AVPR1A: variants seen among roughly 807,000 people sequenced by gnomAD.
The protein encoded by AVPR1A is arginine vasopressin receptor 1A, also known as vasopressin V1a receptor.
Under a neutral mutation model 31.5 loss-of-function variants are expected in AVPR1A, and 31 were observed. The ratio of observed to expected loss-of-function variants is 0.99; its 90% CI spans 0.74 to 1.33. AVPR1A has a LOEUF of 1.33. AVPR1A is among the 40% of genes most tolerant of loss of function. The pLI is 0.00. For missense variants in AVPR1A, 570 were observed against 575.2 expected (o/e 0.99, Z 0.09); for synonymous variants, 243 against 233.2 (o/e 1.04, Z -0.38).
At chr12:63,148,900 A>G (rs2120754913) in intron 1 of AVPR1A, among the ~76,000 whole-genome samples, 1 of 152,258 alleles carries the variant, frequency 6.6e-6, no homozygotes, top group Middle Eastern at 3.4e-3. Flanking sequence ...TAACAACTGT[A>G]CCATTGAATT....
rs547414617 is a variant in AVPR1A at position 63,144,674 on chromosome 12, T to C, written c.*2685A>G. ...CAATCTGAAATATTGTTTTGAGATA[T>C]GTGGCGTCCATTTCTGGGTACATAA... On this transcript the variant is annotated 3_prime_UTR_variant, in exon 2 of 2. Transcript: ENST00000299178. 2 of 152,330 alleles carry C rather than the reference T, an allele frequency of 1.3e-5. No homozygotes were observed. Among genetic ancestry groups the C allele is most frequent in the East Asian group, 3.9e-4 (2 of 5,188 alleles). 9.4% of individuals were successfully genotyped at this position (152,330 alleles called of 1,614,324 possible). A position where few individuals can be genotyped will look rare whatever the true frequency, so the allele number is the denominator to read the frequency against.
rs927440921 is a variant in AVPR1A, at chr12:63,142,859, A to G, written c.*4500T>C. ...TAGTACCACAAGCCATTTTTTCTGT[A>G]AAGGACCAAATATTAGATACTATCA... On this transcript the variant is annotated 3_prime_UTR_variant, in exon 2 of 2. Transcript: ENST00000299178. 9.2e-5 allele frequency: 14 copies of G among 152,166 alleles called. No individual in the cohort carries two copies. Among genetic ancestry groups the G allele is most frequent in the Non-Finnish European group, 1.0e-4 (7 of 67,996 alleles). 9.4% of individuals were successfully genotyped at this position (152,166 alleles called of 1,614,324 possible).
At position 63,147,558 on chromosome 12, in the gene AVPR1A, C is replaced by A; in HGVS notation, c.1058G>T (p.Gly353Val). ...CNPWIYMFFS[G>V]HLLQDCVQSF... ...TTGAACACAGTCTTGAAGGAGATGG[C>A]CACTAAAAAACATGTATATCCAGGG... The change falls in exon 2 of 2, where the codon GGC becomes GTC. Residue 353 changes from glycine to valine, a missense_variant. By Grantham distance (109) the Gly-to-Val change is moderately radical. Transcript: ENST00000299178. 1.2e-6 allele frequency: 2 copies of A among 1,614,046 alleles called. No homozygotes were observed. Among genetic ancestry groups the A allele is most frequent in the Non-Finnish European group, 1.7e-6 (2 of 1,179,996 alleles).
In AVPR1A at chr12:63,150,884, G is replaced by A. The variant is rs752970256; in HGVS notation, c.-48C>T. The A allele has an allele frequency of 6.8e-7, 1 of 1,463,418 alleles. No individual in the cohort carries two copies. Among genetic ancestry groups the A allele is most frequent in the Admixed American group, 2.6e-5 (1 of 38,352 alleles). The allele number at this position is 1,463,418 out of a possible 1,614,324, so 90.7% of individuals were successfully genotyped here. A position where few individuals can be genotyped will look rare whatever the true frequency, so the allele number is the denominator to read the frequency against. ...GGCCCTCTTCGGAGCTCCAGCCCTC[G>A]CGGGCCGCTCCCTCCCCGTCTCGGA... is the stretch of plus-strand genomic sequence containing the variant. On this transcript the variant is annotated 5_prime_UTR_variant, in exon 1 of 2. Transcript: ENST00000299178. The surrounding 1 kb of genome is among the most constrained non-coding windows in gnomAD (Gnocchi z 4.9).
rs1411685610 is a variant in AVPR1A at position 63,145,357 on chromosome 12, C to A, written c.*2002G>T. On this transcript the variant is annotated 3_prime_UTR_variant, in exon 2 of 2. Transcript: ENST00000299178. The stretch of plus-strand genomic sequence containing the variant: ...AGTGAAGTTATCGCTTCCGGGTTCT[C>A]ACAGTGCTATCCAGTTCTCATTTTC... 2.2e-6 allele frequency: 1 copy of A among 455,586 alleles called. No individual in the cohort carries two copies. Among genetic ancestry groups the A allele is most frequent in the East Asian group, 7.0e-5 (1 of 14,374 alleles). The allele number at this position is 455,586 out of a possible 1,614,324, so 28.2% of individuals were successfully genotyped here.
At position 63,143,016 on chromosome 12, in the gene AVPR1A, A is replaced by T. The variant is rs1186533586; in HGVS notation, c.*4343T>A. ...TTGAAAAACAGTTCCAAAAAATGGA[A>T]TACTAAAGATGCAACATTAATTCTT... is the stretch of plus-strand genomic sequence containing the variant. On this transcript the variant is annotated 3_prime_UTR_variant, in exon 2 of 2. Coordinates refer to ENST00000299178, the MANE Select transcript of AVPR1A (RefSeq NM_000706.5). 1 of 152,160 alleles carries T rather than the reference A, an allele frequency of 6.6e-6. No homozygotes were observed. Among genetic ancestry groups the T allele is most frequent in the Admixed American group, 6.5e-5 (1 of 15,276 alleles). 9.4% of individuals were successfully genotyped at this position (152,160 alleles called of 1,614,324 possible). A position where few individuals can be genotyped will look rare whatever the true frequency, so the allele number is the denominator to read the frequency against.
Position 63,143,829 on chromosome 12 carries a change from C to A in AVPR1A, c.*3530G>T, listed in dbSNP as rs1325540246. 2 of 152,130 alleles carry A rather than the reference C, an allele frequency of 1.3e-5. No individual in the cohort carries two copies. The highest frequency in any genetic ancestry group is 1.3e-4 in the Admixed American group (2 of 15,280). 9.4% of individuals were successfully genotyped at this position (152,130 alleles called of 1,614,324 possible). On this transcript the variant is annotated 3_prime_UTR_variant, in exon 2 of 2. Coordinates refer to ENST00000299178, the MANE Select transcript of AVPR1A (RefSeq NM_000706.5). ...CTCCAATTAACATGGGTTTGTCTAA[C>A]CTCTGATATTTGGGGTGAAGGATTA...
chr12:63,150,811 G>A lies in AVPR1A; in HGVS notation c.26C>T (p.Ala9Val), dbSNP rs1272926314. 1 of 1,590,974 alleles carries A rather than the reference G, an allele frequency of 6.3e-7. No homozygotes were observed. The highest frequency in any genetic ancestry group is 2.2e-5 in the East Asian group (1 of 44,676). MRLSAGPD[A>V]GPSGNSSPWW... ...TGGGCTGGAGTTGCCCGAGGGCCCCGCGTCGGGACCGGCGGAGAGACGCAT... is the reference window on the plus strand; with the variant it reads ...TGGGCTGGAGTTGCCCGAGGGCCCCACGTCGGGACCGGCGGAGAGACGCAT... The change falls in exon 1 of 2, where the codon GCG becomes GTG. Residue 9 changes from alanine (A) to valine (V), a missense_variant. Transcript: ENST00000299178. This position sits in a 1 kb window ranked among gnomAD's most constrained non-coding sequence, Gnocchi z 4.9.
In AVPR1A at chr12:63,150,031, C is replaced by A. The variant is rs747324909; in HGVS notation, c.806G>T (p.Gly269Val). ...AEQAGVAFQK[G>V]FLLAPCVSSV... ...GCTGACACAGGGTGCGAGCAGGAAC[C>A]CCTTTTGGAAGGCCACACCCGCTTG... The change falls in exon 1 of 2, where the codon GGG (glycine) becomes GTG (valine). Residue 269 changes from glycine (G) to valine (V), a missense_variant. Gly to Val is a moderately radical substitution (Grantham distance 109). Coordinates refer to ENST00000299178, the MANE Select transcript of AVPR1A (RefSeq NM_000706.5). The surrounding 1 kb of genome is among the most constrained non-coding windows in gnomAD (Gnocchi z 4.9). The A allele has an allele frequency of 6.2e-7, 1 of 1,614,108 alleles. No homozygotes were observed.
rs1366392235 is a variant in AVPR1A at position 63,144,726 on chromosome 12, G to A, written c.*2633C>T. ...ATTGAGAAAATTTAGCAACCAGACA[G>A]ATGAAACTTCTCAGCCTAAACCGCA... On this transcript the variant is annotated 3_prime_UTR_variant, in exon 2 of 2. Coordinates refer to ENST00000299178, the MANE Select transcript of AVPR1A (RefSeq NM_000706.5). The A allele has an allele frequency of 1.3e-5, 2 of 152,148 alleles. No homozygotes were observed. Among genetic ancestry groups the A allele is most frequent in the Non-Finnish European group, 2.9e-5 (2 of 68,046 alleles). 9.4% of individuals were successfully genotyped at this position (152,148 alleles called of 1,614,324 possible). A position where few individuals can be genotyped will look rare whatever the true frequency, so the allele number is the denominator to read the frequency against.
rs2120739183 is a variant in AVPR1A at position 63,143,290 on chromosome 12, A to G, written c.*4069T>C. 1 of 152,216 alleles carries G rather than the reference A, an allele frequency of 6.6e-6. No individual in the cohort carries two copies. The highest frequency in any genetic ancestry group is 1.5e-5 in the Non-Finnish European group (1 of 67,980). 9.4% of individuals were successfully genotyped at this position (152,216 alleles called of 1,614,324 possible). On this transcript the variant is annotated 3_prime_UTR_variant, in exon 2 of 2. Coordinates refer to ENST00000299178, the MANE Select transcript of AVPR1A (RefSeq NM_000706.5). ...TAATTATTATTTAGAACATAAATCAATGTAAAAATGTGGGTATATACATAC... is the reference window on the plus strand; with the variant it reads ...TAATTATTATTTAGAACATAAATCAGTGTAAAAATGTGGGTATATACATAC...
chr12:63,147,756 G>A, intron 1 of AVPR1A, 111 bp from the exon 2 acceptor site: 1 of 1,199,380 alleles, frequency 8.3e-7, no homozygotes, highest in East Asian at 2.4e-5. Flanking sequence ...CATAGAAAAT[G>A]AACTATTTTG....
chr12:63,147,021 C>A lies in AVPR1A; in HGVS notation c.*338G>T. ...CATTTTATGTGACTTTTAAACCAAT[C>A]AAGTCTTACTTATGTTAGAAATGAA... On this transcript the variant is annotated 3_prime_UTR_variant, in exon 2 of 2. Coordinates refer to ENST00000299178, the MANE Select transcript of AVPR1A (RefSeq NM_000706.5). 1 of 219,250 alleles carries A rather than the reference C, an allele frequency of 4.6e-6. No individual in the cohort carries two copies. Among genetic ancestry groups the A allele is most frequent in the Non-Finnish European group, 9.1e-6 (1 of 109,960 alleles). The allele number at this position is 219,250 out of a possible 1,614,324, so 13.6% of individuals were successfully genotyped here. A position where few individuals can be genotyped will look rare whatever the true frequency, so the allele number is the denominator to read the frequency against.
In AVPR1A at chr12:63,150,806, GC is replaced by G; in HGVS notation, c.30del (p.Ser12ArgfsTer49). 1 of 1,591,878 alleles carries G rather than the reference GC, an allele frequency of 6.3e-7. No individual in the cohort carries two copies. Among genetic ancestry groups the G allele is most frequent in the Non-Finnish European group, 8.5e-7 (1 of 1,175,886 alleles). MRLSAGPDAGPSGNSSPWWP... is the reference protein window; with the variant it reads MRLSAGPDAXPSGNSSPWWP... ...CACCATGGGCTGGAGTTGCCCGAGG[GC>G]CCCGCGTCGGGACCGGCGGAGAGAC... On this transcript the variant is annotated frameshift_variant, in exon 1 of 2. Coordinates refer to ENST00000299178, the MANE Select transcript of AVPR1A (RefSeq NM_000706.5). LOFTEE classifies it high-confidence loss of function. This position sits in a 1 kb window ranked among gnomAD's most constrained non-coding sequence, Gnocchi z 4.9.
At position 63,144,056 on chromosome 12, in the gene AVPR1A, T is replaced by G. The variant is rs1327449209; in HGVS notation, c.*3303A>C. On this transcript the variant is annotated 3_prime_UTR_variant, in exon 2 of 2. Transcript: ENST00000299178. ...CTTAATCATTAGTAGTTGTCCATTC[T>G]AGAAACTGTAATAAGCTTGGCAGGG... The G allele has an allele frequency of 6.6e-6, 1 of 152,236 alleles. No individual in the cohort carries two copies. Among genetic ancestry groups the G allele is most frequent in the Non-Finnish European group, 1.5e-5 (1 of 68,044 alleles). The allele number at this position is 152,236 out of a possible 1,614,324, so 9.4% of individuals were successfully genotyped here.
chr12:63,147,836 C>G (rs924283353), intron 1 of AVPR1A, among the ~76,000 whole-genome samples, 191 bp from the exon 2 acceptor site: 4 of 152,120 alleles, frequency 2.6e-5, no homozygotes, highest in African/African-American at 9.6e-5. Context: ...AAGCAAGATG[C>G]CTTAAAATTA....
intron 1 of AVPR1A, 94 bp from the exon 2 acceptor site, chr12:63,147,739 G>T (rs1365337753): frequency 1.5e-6 from 2 of 1,304,820 alleles, no homozygotes; most frequent in African/African-American, 1.5e-5. Context: ...ATAAACTTCT[G>T]GATTATCATA....
At position 63,147,161 on chromosome 12, in the gene AVPR1A, TTTCCATTAATA is replaced by T. The variant is rs1165244233; in HGVS notation, c.*187_*197del. ...GACCTGCATATTTTAGTACAGCATG[TTTCCATTAATA>T]TTCCATACAAAATAATGTCTAGTTT... On this transcript the variant is annotated 3_prime_UTR_variant, in exon 2 of 2. Transcript: ENST00000299178. 3 of 610,846 alleles carry T rather than the reference TTTCCATTAATA, an allele frequency of 4.9e-6. No homozygotes were observed. The highest frequency in any genetic ancestry group is 8.3e-6 in the Non-Finnish European group (3 of 362,690). 37.8% of individuals were successfully genotyped at this position (610,846 alleles called of 1,614,324 possible).
rs567694265 is a variant in AVPR1A at position 63,143,126 on chromosome 12, T to C, written c.*4233A>G. 5.2e-4 allele frequency: 79 copies of C among 152,126 alleles called. No individual in the cohort carries two copies. Among genetic ancestry groups the C allele is most frequent in the Non-Finnish European group, 6.0e-4 (41 of 67,934 alleles). 9.4% of individuals were successfully genotyped at this position (152,126 alleles called of 1,614,324 possible). The stretch of plus-strand genomic sequence containing the variant: ...TGTAGTATGAAGACATACCTTCATA[T>C]GTGAAAATATTATTTTATATTAATA... On this transcript the variant is annotated 3_prime_UTR_variant, in exon 2 of 2. Transcript: ENST00000299178.
Sources: allele counts gnomAD v4.1 joint callset (sites outside exome capture counted in the v4.1 genomes callset), GRCh38; gene constraint gnomAD v4.1.1; non-coding constraint Gnocchi (gnomAD v3.1); transcripts MANE v1.5; gene names NCBI Gene and HGNC (gene_info 2026-07-23, HGNC 2026-07-21).